The following DIP2C variants were observed in gnomAD, a reference collection of about 807,000 sequenced individuals.
The protein encoded by DIP2C is DIP2 acetate--CoA ligase C (putative).
In DIP2C, 33 loss-of-function variants were observed where a neutral mutation model predicts 192.4. That is an observed-to-expected ratio of 0.17 (90% CI 0.13 to 0.23). The LOEUF is 0.23. Among genes scored for constraint, DIP2C ranks in the 10% least tolerant of loss-of-function variants. The pLI is 1.00. For missense variants in DIP2C, 1,537 were observed against 2,110.1 expected (o/e 0.73, Z 5.32); for synonymous variants, 979 against 864.1 (o/e 1.13, Z -2.33).
chr10:475,776 G>A (rs1226629664), intron 2 of DIP2C, among the ~76,000 whole-genome samples: 9 of 152,198 alleles, frequency 5.9e-5, no homozygotes, highest in Non-Finnish European at 1.0e-4. Context: ...GGCTGCAAGT[G>A]GCTTAACGAT....
chr10:420,767 A>G (rs769759232), intron 5 of DIP2C, among the ~76,000 whole-genome samples: 8 of 152,200 alleles, frequency 5.3e-5, no homozygotes, highest in Non-Finnish European at 1.0e-4. Flanking sequence ...TTCAACAGCA[A>G]GTAGAAGCGT....
chr10:428,833 A>C (rs188358098), intron 4 of DIP2C, among the ~76,000 whole-genome samples: 1 of 151,782 alleles, frequency 6.6e-6, no homozygotes, highest in African/African-American at 2.4e-5. Context: ...CACTTTGGTT[A>C]ATTTCTTTTC....
intron 33 of DIP2C, among the ~76,000 whole-genome samples, chr10:287,345 T>C (rs896218681): frequency 2.6e-5 from 4 of 152,230 alleles, no homozygotes; most frequent in Non-Finnish European, 4.4e-5. Context: ...ATCCTGAATA[T>C]AGCCTGCCTC....
At chr10:527,027 G>C (rs1038859868) in intron 1 of DIP2C, among the ~76,000 whole-genome samples, 1 of 152,192 alleles carries the variant, frequency 6.6e-6, no homozygotes, top group African/African-American at 2.4e-5. Context: ...GCCGTCCTGG[G>C]GGACAGCTGT....
At chr10:358,911 A>G (rs1489035034) in intron 22 of DIP2C, among the ~76,000 whole-genome samples, 1 of 151,914 alleles carries the variant, frequency 6.6e-6, no homozygotes, top group Non-Finnish European at 1.5e-5. Context: ...AGGTAAAATA[A>G]CAATGATATG....
intron 3 of DIP2C, among the ~76,000 whole-genome samples, chr10:445,731 A>ATC (rs2133293033): frequency 6.6e-6 from 1 of 151,164 alleles, no homozygotes; most frequent in African/African-American, 2.4e-5. Flanking sequence ...TCCACTGAGC[A>ATC]TCTGTATACA....
chr10:349,543 G>A (rs911692815), intron 24 of DIP2C, 89 bp from the exon 25 acceptor site: 69 of 1,501,576 alleles, frequency 4.6e-5, no homozygotes, highest in Middle Eastern at 3.5e-4. Context: ...ACTCACTGGC[G>A]CAAAGCATAC....
intron 1 of DIP2C, among the ~76,000 whole-genome samples, chr10:638,788 G>A (rs377542776): frequency 2.0e-4 from 30 of 152,340 alleles, no homozygotes; most frequent in Admixed American, 5.2e-4. Context: ...GAAGTCTGCA[G>A]GGTGCACATA....
chr10:512,403 A>AAAAAAT (rs1305203956), intron 1 of DIP2C, among the ~76,000 whole-genome samples: 1 of 152,034 alleles, frequency 6.6e-6, no homozygotes, highest in South Asian at 2.1e-4. Context: ...TACTAAAAAT[A>AAAAAAT]AAAAATAAAA....
In DIP2C at chr10:646,978, G is replaced by A. The variant is rs548774529; in HGVS notation, c.85+42516C>T. 2.0e-5 allele frequency among the ~76,000 whole-genome samples: 3 copies of A among 152,382 alleles called. No individual in the cohort carries two copies. The South Asian group carries it at 6.2e-4, about 32-fold the overall frequency. On this transcript the variant is annotated intron_variant, in intron 1 of 36. Transcript: ENST00000280886. ...GTTTCTTCCTTTCCTGAGTGAAAGT[G>A]AAATGAGCCATGGTGGCAAGCTGGG...
chr10:555,862 C>G (rs1848826283), intron 1 of DIP2C, among the ~76,000 whole-genome samples: 1 of 152,164 alleles, frequency 6.6e-6, no homozygotes, highest in Non-Finnish European at 1.5e-5. Context: ...CACCCATCTT[C>G]AAGTCACAGA....
At chr10:445,489 T>A (rs1442487381) in intron 3 of DIP2C, among the ~76,000 whole-genome samples, 1 of 151,060 alleles carries the variant, frequency 6.6e-6, no homozygotes, top group Non-Finnish European at 1.5e-5. Flanking sequence ...TGTATACAAC[T>A]GTTGTGAAGA....
chr10:669,066 G>A (rs954219633), intron 1 of DIP2C: 5 of 152,140 alleles, frequency 3.3e-5, no homozygotes. Flanking sequence ...TGACGGTACA[G>A]ACACGGCAAA....
chr10:488,964 G>A (rs905163630), intron 1 of DIP2C, among the ~76,000 whole-genome samples: 16 of 152,202 alleles, frequency 1.1e-4, no homozygotes. Context: ...CTGGGAGTGC[G>A]CTGAAGACCT....
intron 10 of DIP2C, among the ~76,000 whole-genome samples, chr10:395,342 TTAA>T (rs1403537849): frequency 1.3e-5 from 2 of 152,338 alleles, no homozygotes; most frequent in East Asian, 3.9e-4. Context: ...GACAGATATG[TTAA>T]TCAGTTTGAT....
intron 1 of DIP2C, among the ~76,000 whole-genome samples, chr10:611,659 CCTT>C (rs1410346810): frequency 6.6e-6 from 1 of 152,190 alleles, no homozygotes; most frequent in East Asian, 1.9e-4. Flanking sequence ...TCTTAAGCTT[CCTT>C]TTTTTCCATC....
intron 1 of DIP2C, among the ~76,000 whole-genome samples, chr10:674,787 T>TAGAG (rs1222152605): frequency 8.2e-4 from 67 of 81,518 alleles, no homozygotes; most frequent in Admixed American, 1.6e-3. Flanking sequence ...TATATATATA[T>TAGAG]ATAGAGAGAG....
At chr10:448,604 A>G (rs2133314802) in intron 3 of DIP2C, among the ~76,000 whole-genome samples, 1 of 128,242 alleles carries the variant, frequency 7.8e-6, no homozygotes, top group South Asian at 2.9e-4. Context: ...TGGGGCAAGC[A>G]GGACCCACTC....
intron 14 of DIP2C, among the ~76,000 whole-genome samples, chr10:386,668 G>T (rs77661049): frequency 1.3e-5 from 2 of 152,196 alleles, no homozygotes; most frequent in African/African-American, 4.8e-5. Flanking sequence ...AATGCTTGCC[G>T]GCTCCTCTTC....
Sources: allele counts gnomAD v4.1 joint callset (sites outside exome capture counted in the v4.1 genomes callset), GRCh38; gene constraint gnomAD v4.1.1; transcripts MANE v1.5; gene names NCBI Gene and HGNC (gene_info 2026-07-23, HGNC 2026-07-21).